ELMO1: variants seen among roughly 807,000 people sequenced by gnomAD.
ELMO1 encodes engulfment and cell motility protein 1.
Under a neutral mutation model 98.9 loss-of-function variants are expected in ELMO1, and 26 were observed. The observed-to-expected ratio is 0.26, with a 90% confidence interval of 0.19 to 0.36. The LOEUF (loss-of-function observed/expected upper bound fraction) is 0.36. Among genes scored for constraint, ELMO1 ranks in the 10% least tolerant of loss-of-function variants. ELMO1 has a pLI of 1.00. For missense variants in ELMO1, 627 were observed against 935.2 expected, an observed-to-expected ratio of 0.67 and a Z score of 4.30; for synonymous variants, 346 against 346.0, an observed-to-expected ratio of 1.00 and a Z score of 0.00.
At chr7:37,333,060 T>C (rs892149439) in intron 2 of ELMO1, among the ~76,000 whole-genome samples, 7 of 152,202 alleles carry the variant, frequency 4.6e-5, no homozygotes, top group African/African-American at 7.2e-5. Flanking sequence ...GGTGATGCCA[T>C]TGACCCATGA....
At chr7:37,187,653 G>A (rs78822586) in intron 13 of ELMO1, among the ~76,000 whole-genome samples, 2 of 152,134 alleles carry the variant, frequency 1.3e-5, no homozygotes, top group East Asian at 3.9e-4. Context: ...TACTCCAAAT[G>A]AATTCTGATA....
chr7:37,335,484 A>G (rs1293770540), intron 2 of ELMO1, among the ~76,000 whole-genome samples: 2 of 152,238 alleles, frequency 1.3e-5, no homozygotes, highest in East Asian at 3.8e-4. Flanking sequence ...AAAAATATGG[A>G]AGGATGCAAA....
At chr7:37,012,180 G>A (rs1051555005) in intron 16 of ELMO1, among the ~76,000 whole-genome samples, 1 of 152,200 alleles carries the variant, frequency 6.6e-6, no homozygotes, top group South Asian at 2.1e-4. Context: ...AGAAACTCAG[G>A]TTAGGACCTG....
intron 14 of ELMO1, among the ~76,000 whole-genome samples, chr7:37,123,049 A>G (rs111251027): frequency 0.026 from 3,853 of 149,172 alleles, 158 homozygotes; most frequent in African/African-American, 0.084. Context: ...GGTACATAAC[A>G]AAATGAAAGT....
At chr7:37,303,603 C>T (rs967954516) in intron 4 of ELMO1, among the ~76,000 whole-genome samples, 2 of 152,140 alleles carry the variant, frequency 1.3e-5, no homozygotes, top group African/African-American at 4.8e-5. Context: ...TTGCTTTTCA[C>T]TGTAGTTAGT....
At chr7:37,325,173 C>A (rs990303178) in intron 2 of ELMO1, among the ~76,000 whole-genome samples, 1 of 152,182 alleles carries the variant, frequency 6.6e-6, no homozygotes, top group African/African-American at 2.4e-5. Flanking sequence ...CTCCTTCTTC[C>A]TTAAAGTGAC....
At position 37,225,206 on chromosome 7, in the gene ELMO1, C is replaced by T. The variant is rs552600954; in HGVS notation, c.550-176G>A. Among the ~76,000 whole-genome samples the T allele has an allele frequency of 6.6e-5, 10 of 152,302 alleles. No homozygotes were observed. In the East Asian group the frequency reaches 1.9e-3, roughly 29 times the overall value. ...TTGAACTAGGGATTGTTCATGATAT[C>T]ATTACAAAGCATGATTTATCTCATC... On this transcript the variant is annotated intron_variant, in intron 8 of 21. Coordinates refer to ENST00000310758, the MANE Select transcript of ELMO1 (RefSeq NM_014800.11).
chr7:37,042,318 C>G (rs983341750), intron 15 of ELMO1, among the ~76,000 whole-genome samples: 2 of 151,780 alleles, frequency 1.3e-5, no homozygotes, highest in Non-Finnish European at 2.9e-5. Flanking sequence ...ATATTCAGAG[C>G]CATGGTTTTT....
intron 13 of ELMO1, among the ~76,000 whole-genome samples, chr7:37,167,068 A>T (rs1039453811): frequency 5.3e-5 from 8 of 152,076 alleles, no homozygotes; most frequent in Non-Finnish European, 1.2e-4. Flanking sequence ...CTTCTTGTTG[A>T]ATTGATCCCT....
At position 37,000,601 on chromosome 7, in the gene ELMO1, C is replaced by T. The variant is rs141324970; in HGVS notation, c.1437+12698G>A. On this transcript the variant is annotated intron_variant, in intron 16 of 21. Coordinates refer to ENST00000310758, the MANE Select transcript of ELMO1 (RefSeq NM_014800.11). ...TACAAAAGATAATTTTTGTGAACGGCATGATGTGTTCACACATGTGATTCA... is the reference window on the plus strand; with the variant it reads ...TACAAAAGATAATTTTTGTGAACGGTATGATGTGTTCACACATGTGATTCA... Among the ~76,000 whole-genome samples, 761 of 152,240 alleles carry T rather than the reference C, an allele frequency of 5.0e-3. 7 individuals are homozygous for T. Among genetic ancestry groups the T allele is most frequent in the South Asian group, 0.029 (138 of 4,824 alleles).
At chr7:36,936,671 C>G (rs1379120476) in intron 16 of ELMO1, among the ~76,000 whole-genome samples, 1 of 152,076 alleles carries the variant, frequency 6.6e-6, no homozygotes, top group African/African-American at 2.4e-5. Flanking sequence ...CTGGGATGGT[C>G]TCAAACTCCT....
At chr7:36,892,062 T>C (rs35182547) in intron 17 of ELMO1, among the ~76,000 whole-genome samples, 100,218 of 152,128 alleles carry the variant, frequency 0.66, 33,289 homozygotes, top group East Asian at 0.76. Flanking sequence ...AGAGCTTCTT[T>C]GACCCACTGA....
At chr7:37,254,138 G>A (rs996558969) in intron 6 of ELMO1, among the ~76,000 whole-genome samples, 1 of 152,160 alleles carries the variant, frequency 6.6e-6, no homozygotes, top group African/African-American at 2.4e-5. Flanking sequence ...GCAGAAGGAA[G>A]GCAGGAGGCC....
chr7:37,352,525 CTTTT>C (rs1321589734), intron 1 of ELMO1, among the ~76,000 whole-genome samples: 1 of 151,594 alleles, frequency 6.6e-6, no homozygotes, highest in African/African-American at 2.4e-5. Context: ...GTCCAGAAAA[CTTTT>C]TTTTTAACGA....
chr7:36,861,984 T>G (rs1025575707), intron 20 of ELMO1: 8 of 511,738 alleles, frequency 1.6e-5, no homozygotes, highest in African/African-American at 1.5e-4. Context: ...TGTTTTCATC[T>G]CCTTTATGAG....
intron 18 of ELMO1, among the ~76,000 whole-genome samples, chr7:36,879,758 T>C (rs1042930517): frequency 4.6e-5 from 7 of 152,212 alleles, no homozygotes; most frequent in Non-Finnish European, 8.8e-5. Context: ...AAAAGGGTCA[T>C]TTAACAGCTA....
intron 13 of ELMO1, among the ~76,000 whole-genome samples, chr7:37,183,570 G>C (rs926384524): frequency 4.6e-5 from 7 of 151,918 alleles, no homozygotes; most frequent in Admixed American, 4.6e-4. Context: ...GAGAGAGAGA[G>C]AAATAGGGAG....
chr7:37,159,860 T>C (rs1434892143), intron 13 of ELMO1, among the ~76,000 whole-genome samples: 5 of 152,146 alleles, frequency 3.3e-5, no homozygotes, highest in African/African-American at 1.2e-4. Flanking sequence ...TTGAAGAAAA[T>C]ACAGCACAAA....
chr7:37,025,931 A>ATCTG (rs1794548564), intron 15 of ELMO1, among the ~76,000 whole-genome samples: 1 of 149,458 alleles, frequency 6.7e-6, no homozygotes, highest in Admixed American at 6.7e-5. Context: ...CTATCTATCT[A>ATCTG]TCTATTTTTT....
Sources: allele counts gnomAD v4.1 joint callset (sites outside exome capture counted in the v4.1 genomes callset), GRCh38; gene constraint gnomAD v4.1.1; transcripts MANE v1.5; gene names NCBI Gene and HGNC (gene_info 2026-07-23, HGNC 2026-07-21).